The following CHD6 variants were observed in gnomAD, a reference collection of about 807,000 sequenced individuals.
The protein encoded by CHD6 is ATP-dependent chromatin remodeler CHD6.
CHD6 carries 50 observed loss-of-function variants against 276.9 expected under a neutral mutation model. The observed-to-expected ratio is 0.18, with a 90% confidence interval of 0.14 to 0.23. The LOEUF (loss-of-function observed/expected upper bound fraction) is 0.23, where lower values mean the gene tolerates loss of function less well. CHD6 is among the 10% of genes least tolerant of loss of function. The pLI, the probability that CHD6 is intolerant of heterozygous loss-of-function variation, is 1.00. For missense variants in CHD6, 2,564 were observed against 3,365.8 expected (o/e 0.76, Z 5.89); for synonymous variants, 1,173 against 1,229.3 (o/e 0.95, Z 0.96).
chr20:41,549,365 C>G (rs2146139733), intron 2 of CHD6, among the ~76,000 whole-genome samples: 2 of 149,512 alleles, frequency 1.3e-5, no homozygotes, highest in Middle Eastern at 6.8e-3. Flanking sequence ...AAGCTGGAAA[C>G]CATCATTCTC....
In CHD6 at chr20:41,452,873, C is replaced by G; in HGVS notation, c.3190G>C (p.Glu1064Gln). 6.2e-7 allele frequency: 1 copy of G among 1,613,564 alleles called. No homozygotes were observed. Among genetic ancestry groups the G allele is most frequent in the Non-Finnish European group, 8.5e-7 (1 of 1,179,940 alleles). The change falls in exon 21 of 37, where the codon GAG (glutamate) becomes CAG (glutamine). Residue 1064 changes from glutamate to glutamine, a missense_variant. Glu to Gln is a conservative substitution (Grantham distance 29, BLOSUM62 2). This residue lies in a region of CHD6 where 515 missense variants were observed against 739.5 expected (regional missense o/e 0.70). Transcript: ENST00000373233. The surrounding 1 kb of genome is among the most constrained non-coding windows in gnomAD (Gnocchi z 4.2). ...TKHYNSFEEDELMEFSELDSD... is the reference protein window; with the variant it reads ...TKHYNSFEEDQLMEFSELDSD... ...TCTAACTCTGAAAACTCCATGAGCT[C>G]GTCTTCCTCAAACGAGTTGTAGTGT... is the stretch of plus-strand genomic sequence containing the variant.
At chr20:41,538,906 A>G (rs1255272456) in intron 2 of CHD6, among the ~76,000 whole-genome samples, 6 of 152,034 alleles carry the variant, frequency 3.9e-5, no homozygotes, top group African/African-American at 9.7e-5. Flanking sequence ...GTCAATCCAG[A>G]TATCTGCCTT....
intron 35 of CHD6, among the ~76,000 whole-genome samples, chr20:41,412,616 C>T (rs569208410): frequency 6.6e-6 from 1 of 152,350 alleles, no homozygotes; most frequent in East Asian, 1.9e-4. Flanking sequence ...CTGGTTTCGC[C>T]TGTCTCTGGA....
At chr20:41,579,883 A>G in intron 1 of CHD6, among the ~76,000 whole-genome samples, 1 of 152,352 alleles carries the variant, frequency 6.6e-6, no homozygotes, top group South Asian at 2.1e-4. Context: ...TTATACAATC[A>G]AAGAAATAAT....
At chr20:41,542,333 A>T (rs1221509587) in intron 2 of CHD6, among the ~76,000 whole-genome samples, 1 of 152,184 alleles carries the variant, frequency 6.6e-6, no homozygotes, top group Admixed American at 6.5e-5. Flanking sequence ...CCTAGGCCCA[A>T]AACTTAGGCC....
intron 2 of CHD6, among the ~76,000 whole-genome samples, chr20:41,540,299 A>C (rs767458365): frequency 6.6e-6 from 1 of 152,252 alleles, no homozygotes; most frequent in African/African-American, 2.4e-5. Flanking sequence ...TGTGCATAGA[A>C]CAACTAATGG....
intron 8 of CHD6, among the ~76,000 whole-genome samples, chr20:41,496,113 G>C (rs552364293): frequency 6.6e-6 from 1 of 152,338 alleles, no homozygotes; most frequent in African/African-American, 2.4e-5. Context: ...CAGCAGGACT[G>C]TTCTATTGGT....
intron 5 of CHD6, among the ~76,000 whole-genome samples, chr20:41,502,823 C>T (rs770661900): frequency 6.6e-6 from 1 of 152,140 alleles, no homozygotes; most frequent in African/African-American, 2.4e-5. Context: ...CTGGCCAATA[C>T]AGCGAAACCC....
rs1008455881 is a variant in CHD6 at position 41,487,594 on chromosome 20, T to C, written c.2001+71A>G. 63 of 1,455,012 alleles carry C rather than the reference T, an allele frequency of 4.3e-5. No homozygotes were observed. In the Middle Eastern group the frequency reaches 5.4e-4, roughly 13 times the overall value. 90.1% of individuals were successfully genotyped at this position (1,455,012 alleles called of 1,614,324 possible). A position where few individuals can be genotyped will look rare whatever the true frequency, so the allele number is the denominator to read the frequency against. On this transcript the variant is annotated intron_variant, in intron 14 of 36. Coordinates refer to ENST00000373233, the MANE Select transcript of CHD6 (RefSeq NM_032221.5). ...GACAACTTGCTAAATCCTGGCCCCA[T>C]AGCATCCTGCTCTTTTCTTGATGAA...
chr20:41,476,599 T>C (rs762049480), intron 16 of CHD6, among the ~76,000 whole-genome samples: 24 of 152,250 alleles, frequency 1.6e-4, no homozygotes, highest in Middle Eastern at 3.4e-3. Flanking sequence ...CAGTAAGAAA[T>C]ATGAAGGCTT....
chr20:41,499,437 T>G, intron 5 of CHD6, 80 bp from the exon 6 acceptor site: 2 of 1,107,452 alleles, frequency 1.8e-6, no homozygotes, highest in South Asian at 1.4e-5. Flanking sequence ...AATACTACAA[T>G]GGGTACTACT....
At chr20:41,487,567 G>A (rs3092194) in intron 14 of CHD6, 98 bp downstream of exon 14, 238,117 of 1,186,594 alleles carry the variant, frequency 0.2, 25,699 homozygotes, top group Middle Eastern at 0.26. Flanking sequence ...TACCAGGAAC[G>A]TGACAACTTG....
intron 6 of CHD6, among the ~76,000 whole-genome samples, chr20:41,498,926 T>C (rs2043762178): frequency 1.3e-5 from 2 of 151,902 alleles, no homozygotes; most frequent in Admixed American, 6.6e-5. Context: ...CCTCCGATGT[T>C]GGCCTCTCAA....
At chr20:41,538,813 C>T (rs1399599747) in intron 2 of CHD6, among the ~76,000 whole-genome samples, 2 of 152,152 alleles carry the variant, frequency 1.3e-5, no homozygotes, top group East Asian at 3.8e-4. Context: ...GTACACTGGA[C>T]TTTCTCATAC....
At chr20:41,521,135 A>C in intron 3 of CHD6, among the ~76,000 whole-genome samples, 1 of 152,298 alleles carries the variant, frequency 6.6e-6, no homozygotes, top group South Asian at 2.1e-4. Context: ...TACATATTAA[A>C]ACATAAAAAA....
chr20:41,599,852 G>A (rs963392585), intron 1 of CHD6, among the ~76,000 whole-genome samples: 3 of 152,064 alleles, frequency 2.0e-5, no homozygotes, highest in Admixed American at 6.6e-5. Context: ...CTCCCTTCCC[G>A]CCTAATTGGC....
chr20:41,404,237 G>A lies in CHD6; in HGVS notation c.*356C>T, dbSNP rs900968633. 67 of 1,079,332 alleles carry A rather than the reference G, an allele frequency of 6.2e-5. No homozygotes were observed. Among genetic ancestry groups the A allele is most frequent in the Non-Finnish European group, 7.2e-5 (64 of 889,828 alleles). 66.9% of individuals were successfully genotyped at this position (1,079,332 alleles called of 1,614,324 possible). A position where few individuals can be genotyped will look rare whatever the true frequency, so the allele number is the denominator to read the frequency against. ...GTCTCTGTTCTTCCACCCTTCAATG[G>A]TAAAACCCTAGACAGCTTTCTTTTG... is the stretch of plus-strand genomic sequence containing the variant. On this transcript the variant is annotated 3_prime_UTR_variant, in exon 37 of 37. Transcript: ENST00000373233.
chr20:41,464,374 C>A (rs1460666477), intron 17 of CHD6, among the ~76,000 whole-genome samples: 5 of 152,124 alleles, frequency 3.3e-5, no homozygotes, highest in Non-Finnish European at 5.9e-5. Flanking sequence ...GACCAAAAAA[C>A]CCACTATAGA....
At position 41,412,189 on chromosome 20, in the gene CHD6, G is replaced by A. The variant is rs201504991; in HGVS notation, c.7206C>T (p.Ser2402=). 15 of 1,614,162 alleles carry A rather than the reference G, an allele frequency of 9.3e-6. No homozygotes were observed. Among genetic ancestry groups the A allele is most frequent in the East Asian group, 4.5e-5 (2 of 44,882 alleles). Residue 2402 remains serine, a synonymous_variant, in exon 36 of 37, where the codon AGC becomes AGT. Coordinates refer to ENST00000373233, the MANE Select transcript of CHD6 (RefSeq NM_032221.5). ...EPGKLDVSSL[S]GEERVPAIPK... ...GGATGGCAGGAACTCTCTCTTCCCC[G>A]CTCAGGGAGCTGACATCTAATTTTC...
Sources: allele counts gnomAD v4.1 joint callset (sites outside exome capture counted in the v4.1 genomes callset), GRCh38; gene constraint gnomAD v4.1.1; regional missense constraint gnomAD v4.1.1; non-coding constraint Gnocchi (gnomAD v3.1); transcripts MANE v1.5; gene names NCBI Gene and HGNC (gene_info 2026-07-23, HGNC 2026-07-21).